Variants in PTPRD observed in about 807,000 individuals in gnomAD.
PTPRD encodes the protein receptor-type tyrosine-protein phosphatase delta.
Under a neutral mutation model 214.5 loss-of-function variants are expected in PTPRD, and 34 were observed. The observed-to-expected ratio is 0.16, with a 90% CI of 0.12 to 0.21. The LOEUF (loss-of-function observed/expected upper bound fraction) is 0.21. Among genes scored for constraint, PTPRD ranks in the 10% least tolerant of loss-of-function variants. The pLI, the probability that PTPRD is intolerant of heterozygous loss-of-function variation, is 1.00. For missense variants in PTPRD, 2,545 were observed against 2,398.7 expected (o/e 1.06, Z -1.27); for synonymous variants, 1,128 against 845.7 (o/e 1.33, Z -5.79).
chr9:8,907,243 G>A (rs1387639087), intron 11 of PTPRD, among the ~76,000 whole-genome samples: 1 of 152,030 alleles, frequency 6.6e-6, no homozygotes, highest in Non-Finnish European at 1.5e-5. Context: ...TATCTAAAAT[G>A]TGAATTTGTC....
intron 44 of PTPRD, among the ~76,000 whole-genome samples, chr9:8,330,176 C>T (rs1170078795): frequency 6.6e-6 from 1 of 152,092 alleles, no homozygotes; most frequent in East Asian, 1.9e-4. Context: ...ACGCCACACC[C>T]TGCTTTAGCT....
intron 2 of PTPRD, among the ~76,000 whole-genome samples, chr9:10,412,476 A>C (rs2098446083): frequency 1.3e-5 from 2 of 151,778 alleles, no homozygotes; most frequent in African/African-American, 4.8e-5. Context: ...TCATAGCCAA[A>C]TTCTACCAGA....
chr9:9,509,195 G>A (rs951431474), intron 8 of PTPRD, among the ~76,000 whole-genome samples: 1 of 151,546 alleles, frequency 6.6e-6, no homozygotes, highest in East Asian at 1.9e-4. Context: ...TTTTTTTCCT[G>A]TAAAATACAC....
chr9:10,012,695 A>G (rs911642802), intron 4 of PTPRD, among the ~76,000 whole-genome samples: 14 of 151,956 alleles, frequency 9.2e-5, no homozygotes, highest in African/African-American at 2.9e-4. Flanking sequence ...ACCTATCACA[A>G]GAACACTGCA....
At chr9:8,886,390 A>G (rs1320857718) in intron 11 of PTPRD, among the ~76,000 whole-genome samples, 9 of 152,158 alleles carry the variant, frequency 5.9e-5, no homozygotes, top group Admixed American at 1.3e-4. Context: ...CTGTTATATA[A>G]ATTATATTTT....
At chr9:9,223,584 T>G (rs922798755) in intron 9 of PTPRD, among the ~76,000 whole-genome samples, 13 of 152,038 alleles carry the variant, frequency 8.6e-5, no homozygotes, top group Non-Finnish European at 1.8e-4. Flanking sequence ...ATTATTTTTT[T>G]TAAAAGTATT....
At chr9:9,057,064 C>T (rs1194651016) in intron 10 of PTPRD, among the ~76,000 whole-genome samples, 1 of 152,048 alleles carries the variant, frequency 6.6e-6, no homozygotes, top group East Asian at 1.9e-4. Flanking sequence ...TGATTAAATG[C>T]CCATGAGAAG....
At chr9:10,037,253 T>C (rs1466151667) in intron 3 of PTPRD, among the ~76,000 whole-genome samples, 4 of 152,118 alleles carry the variant, frequency 2.6e-5, no homozygotes, top group Non-Finnish European at 5.9e-5. Flanking sequence ...TATCAAATCA[T>C]AATCCTCAAT....
chr9:9,935,056 G>A (rs889438618), intron 5 of PTPRD, among the ~76,000 whole-genome samples: 6 of 152,038 alleles, frequency 3.9e-5, no homozygotes, highest in Non-Finnish European at 7.3e-5. Context: ...AATAAATTAG[G>A]TATTGATGGG....
Position 9,062,155 on chromosome 9 carries a change from T to A in PTPRD, c.-142-43420A>T, listed in dbSNP as rs180840516. 1.2e-3 allele frequency among the ~76,000 whole-genome samples: 190 copies of A among 152,302 alleles called. 2 individuals carry two copies. The highest frequency in any genetic ancestry group is 2.1e-3 in the Non-Finnish European group (146 of 68,014). ...TAGCAGCATAAAATTTTACTTACACTGTTTTCCAATCACATAAATGGTCTT... is the reference window on the plus strand; with the variant it reads ...TAGCAGCATAAAATTTTACTTACACAGTTTTCCAATCACATAAATGGTCTT... On this transcript the variant is annotated intron_variant, in intron 10 of 45. Coordinates refer to ENST00000381196, the MANE Select transcript of PTPRD (RefSeq NM_002839.4).
At chr9:8,422,201 T>A (rs1327971086) in intron 35 of PTPRD, among the ~76,000 whole-genome samples, 2 of 149,602 alleles carry the variant, frequency 1.3e-5, no homozygotes, top group Non-Finnish European at 3.0e-5. Context: ...TGAACTATAT[T>A]GCAATAATAA....
chr9:10,309,042 TCA>T (rs1205618564), intron 3 of PTPRD, among the ~76,000 whole-genome samples: 3 of 152,086 alleles, frequency 2.0e-5, no homozygotes, highest in Non-Finnish European at 4.4e-5. Flanking sequence ...CAAATTTTTC[TCA>T]GTGTATTTTA....
chr9:9,188,521 T>A (rs1267909210), intron 9 of PTPRD, among the ~76,000 whole-genome samples: 1 of 152,068 alleles, frequency 6.6e-6, no homozygotes, highest in Non-Finnish European at 1.5e-5. Context: ...TGCCAATAGT[T>A]GGTAGAAGTT....
intron 10 of PTPRD, among the ~76,000 whole-genome samples, chr9:9,151,692 G>A (rs2099876905): frequency 6.6e-6 from 1 of 152,294 alleles, no homozygotes; most frequent in East Asian, 1.9e-4. Context: ...TGCTCCGGTT[G>A]TTGATGAGAC....
Position 8,830,474 on chromosome 9 carries a change from G to A in PTPRD, c.-103-96528C>T, listed in dbSNP as rs181117896. 6.6e-4 allele frequency among the ~76,000 whole-genome samples: 101 copies of A among 152,222 alleles called. 2 individuals carry two copies. The Middle Eastern group carries it at 0.01, about 15-fold the overall frequency. On this transcript the variant is annotated intron_variant, in intron 11 of 45. Coordinates refer to ENST00000381196, the MANE Select transcript of PTPRD (RefSeq NM_002839.4). ...AGAAACAAGAGGGTAAACAAGAAAGGAAAGTGGAGAATGGGCTTCAGTCAT... is the reference window on the plus strand; with the variant it reads ...AGAAACAAGAGGGTAAACAAGAAAGAAAAGTGGAGAATGGGCTTCAGTCAT...
chr9:9,673,203 A>G (rs1187484085), intron 7 of PTPRD, among the ~76,000 whole-genome samples: 1 of 151,898 alleles, frequency 6.6e-6, no homozygotes, highest in Non-Finnish European at 1.5e-5. Context: ...AAAACTCCTA[A>G]TAGCCCAATT....
At chr9:9,807,330 C>A (rs1232683598) in intron 5 of PTPRD, among the ~76,000 whole-genome samples, 1 of 152,094 alleles carries the variant, frequency 6.6e-6, no homozygotes, top group Non-Finnish European at 1.5e-5. Flanking sequence ...CTTGTTAACA[C>A]ATGCAAGCAC....
chr9:9,989,908 C>T (rs943900432), intron 4 of PTPRD, among the ~76,000 whole-genome samples: 4 of 152,212 alleles, frequency 2.6e-5, no homozygotes, highest in Admixed American at 6.5e-5. Context: ...ACCTCCACCA[C>T]GCAAAGGGTT....
chr9:8,500,281 T>C (rs1186731894), intron 24 of PTPRD, among the ~76,000 whole-genome samples: 1 of 151,858 alleles, frequency 6.6e-6, no homozygotes, highest in African/African-American at 2.4e-5. Context: ...TTATCTTCTC[T>C]TTTTTTCTCA....
Sources: gnomAD v4.1 joint callset for allele counts (sites outside exome capture counted in the v4.1 genomes callset) on GRCh38, gnomAD v4.1.1 for gene constraint, MANE v1.5 for transcripts, NCBI Gene and HGNC (gene_info 2026-07-23, HGNC 2026-07-21) for gene names.